Variants in FAM171A1 observed in about 807,000 individuals in gnomAD.
FAM171A1 encodes the protein protein FAM171A1.
In FAM171A1, 23 loss-of-function variants were observed where a neutral mutation model predicts 74.9. That is an observed-to-expected ratio of 0.31 (90% confidence interval 0.22 to 0.44). FAM171A1 has a LOEUF of 0.44. FAM171A1 is among the 20% of genes least tolerant of loss of function. The pLI is 1.00. For missense variants in FAM171A1, 1,162 were observed against 1,159.2 expected (o/e 1.00, Z -0.03); for synonymous variants, 527 against 505.7 (o/e 1.04, Z -0.57).
chr10:15,259,344 C>T (rs1156390912), intron 3 of FAM171A1, among the ~76,000 whole-genome samples: 2 of 152,214 alleles, frequency 1.3e-5, no homozygotes, highest in African/African-American at 4.8e-5. Context: ...ACTCCCTTTT[C>T]ATCTACTGAC....
At chr10:15,271,815 T>C (rs902126243) in intron 3 of FAM171A1, among the ~76,000 whole-genome samples, 1 of 152,092 alleles carries the variant, frequency 6.6e-6, no homozygotes, top group African/African-American at 2.4e-5. Flanking sequence ...AATAAAATCC[T>C]TTACAGACAA....
chr10:15,297,554 C>A (rs1022192092), intron 1 of FAM171A1, among the ~76,000 whole-genome samples: 6 of 152,132 alleles, frequency 3.9e-5, no homozygotes, highest in African/African-American at 9.7e-5. Flanking sequence ...CTCCCATTAA[C>A]AACACTTAAC....
chr10:15,358,289 A>G (rs577130402), intron 1 of FAM171A1, among the ~76,000 whole-genome samples: 62 of 152,244 alleles, frequency 4.1e-4, no homozygotes, highest in South Asian at 1.2e-3. Context: ...AGCTTTTTTA[A>G]AAAGAAAGAA....
At chr10:15,357,517 A>G (rs1457763455) in intron 1 of FAM171A1, among the ~76,000 whole-genome samples, 1 of 152,196 alleles carries the variant, frequency 6.6e-6, no homozygotes, top group East Asian at 1.9e-4. Context: ...AATGATGGAA[A>G]TATTTGGCAC....
intron 3 of FAM171A1, among the ~76,000 whole-genome samples, chr10:15,267,844 C>T (rs1159132973): frequency 6.8e-6 from 1 of 147,178 alleles, no homozygotes; most frequent in Admixed American, 6.9e-5. Flanking sequence ...AGTGTGGTGT[C>T]ACTGCAGACC....
chr10:15,216,966 T>A (rs1212386792), intron 6 of FAM171A1, among the ~76,000 whole-genome samples: 1 of 152,098 alleles, frequency 6.6e-6, no homozygotes, highest in African/African-American at 2.4e-5. Flanking sequence ...CTTAAAAAAG[T>A]CAGCAACTTT....
chr10:15,223,647 C>G (rs1834068397), intron 5 of FAM171A1, among the ~76,000 whole-genome samples: 1 of 152,140 alleles, frequency 6.6e-6, no homozygotes, highest in Non-Finnish European at 1.5e-5. Flanking sequence ...GCCTGTAATC[C>G]CAGCACTTTG....
chr10:15,240,173 C>T (rs957444479), intron 5 of FAM171A1, among the ~76,000 whole-genome samples: 1 of 152,182 alleles, frequency 6.6e-6, no homozygotes, highest in Non-Finnish European at 1.5e-5. Flanking sequence ...CCAGCCTGGT[C>T]AACATGGTGA....
chr10:15,212,060 A>G lies in FAM171A1; in HGVS notation c.*855T>C, dbSNP rs1833896778. 2 of 152,616 alleles carry G rather than the reference A, an allele frequency of 1.3e-5. No individual in the cohort carries two copies. The highest frequency in any genetic ancestry group is 1.3e-4 in the Admixed American group (2 of 15,274). The allele number at this position is 152,616 out of a possible 1,614,324, so 9.5% of individuals were successfully genotyped here. On this transcript the variant is annotated 3_prime_UTR_variant, in exon 8 of 8. Coordinates refer to ENST00000378116, the MANE Select transcript of FAM171A1 (RefSeq NM_001010924.2). Reference sequence around the variant, plus strand: ...ACTTGGCAGCATGCAGTTTAAAGCAAAAGAGACATCCTTTAATAACTGTAT... The same window carrying G: ...ACTTGGCAGCATGCAGTTTAAAGCAGAAGAGACATCCTTTAATAACTGTAT...
At chr10:15,350,311 C>G (rs903545368) in intron 1 of FAM171A1, among the ~76,000 whole-genome samples, 2 of 151,998 alleles carry the variant, frequency 1.3e-5, no homozygotes, top group African/African-American at 4.8e-5. Context: ...CACCTCATCT[C>G]CTGCTCTATA....
At chr10:15,238,234 G>A (rs1240671425) in intron 5 of FAM171A1, among the ~76,000 whole-genome samples, 3 of 152,168 alleles carry the variant, frequency 2.0e-5, no homozygotes, top group African/African-American at 7.2e-5. Flanking sequence ...TAGAGACAAA[G>A]ATAAGCTAAT....
At position 15,212,883 on chromosome 10, in the gene FAM171A1, T is replaced by C; in HGVS notation, c.*32A>G. ...CATGAGAAAGGATATTTGGCAATTT[T>C]ATATTCCACAGTCAGGTGGGTCTGC... On this transcript the variant is annotated 3_prime_UTR_variant, in exon 8 of 8. Coordinates refer to ENST00000378116, the MANE Select transcript of FAM171A1 (RefSeq NM_001010924.2). The C allele has an allele frequency of 6.2e-7, 1 of 1,604,942 alleles. No individual in the cohort carries two copies. The highest frequency in any genetic ancestry group is 1.1e-5 in the South Asian group (1 of 89,398).
At chr10:15,226,663 ACTTTT>A (rs1208214094) in intron 5 of FAM171A1, among the ~76,000 whole-genome samples, 1 of 152,172 alleles carries the variant, frequency 6.6e-6, no homozygotes, top group African/African-American at 2.4e-5. Context: ...TACAATTTTG[ACTTTT>A]CTTCATCCCT....
intron 1 of FAM171A1, among the ~76,000 whole-genome samples, chr10:15,360,549 G>A (rs1484118321): frequency 6.6e-6 from 1 of 152,198 alleles, no homozygotes; most frequent in Non-Finnish European, 1.5e-5. Flanking sequence ...TTCTAGGGCT[G>A]AGCTTGTCAT....
At chr10:15,339,070 G>A (rs1202441703) in intron 1 of FAM171A1, among the ~76,000 whole-genome samples, 1 of 152,084 alleles carries the variant, frequency 6.6e-6, no homozygotes, top group Non-Finnish European at 1.5e-5. Flanking sequence ...AGCTGCTAAG[G>A]TTAAGTTTTT....
chr10:15,221,971 T>A (rs765136017), intron 5 of FAM171A1, among the ~76,000 whole-genome samples: 1 of 152,164 alleles, frequency 6.6e-6, no homozygotes, highest in Non-Finnish European at 1.5e-5. Context: ...TTGCCCAAGG[T>A]TGTTGGGCTA....
chr10:15,275,099 T>C (rs1834876473), intron 3 of FAM171A1, among the ~76,000 whole-genome samples: 1 of 151,972 alleles, frequency 6.6e-6, no homozygotes, highest in Admixed American at 6.6e-5. Context: ...CCGGGGCCTG[T>C]CGTGGGGTTG....
At position 15,371,145 on chromosome 10, in the gene FAM171A1, G is replaced by A. The variant is rs1836142048; in HGVS notation, c.-93C>T. The stretch of plus-strand genomic sequence containing the variant: ...GGCCGGGCGCCGCGCCCCCCTCCAT[G>A]TCGCTGGCTCCGCGCGCCGGGCCCG... On this transcript the variant is annotated 5_prime_UTR_variant, in exon 1 of 8. Transcript: ENST00000378116. 2.6e-6 allele frequency: 1 copy of A among 382,746 alleles called. No individual in the cohort carries two copies. Among genetic ancestry groups the A allele is most frequent in the South Asian group, 9.7e-5 (1 of 10,290 alleles). 23.7% of individuals were successfully genotyped at this position (382,746 alleles called of 1,614,324 possible). A position where few individuals can be genotyped will look rare whatever the true frequency, so the allele number is the denominator to read the frequency against.
chr10:15,236,240 A>G (rs1834287706), intron 5 of FAM171A1, among the ~76,000 whole-genome samples: 1 of 151,914 alleles, frequency 6.6e-6, no homozygotes. Context: ...GTTAAATTTA[A>G]AAACAGTAAG....
Sources: allele counts gnomAD v4.1 joint callset (sites outside exome capture counted in the v4.1 genomes callset), GRCh38; gene constraint gnomAD v4.1.1; transcripts MANE v1.5; gene names NCBI Gene and HGNC (gene_info 2026-07-23, HGNC 2026-07-21).